Variants in CHRM3 observed in about 807,000 individuals in gnomAD.
The protein encoded by CHRM3 is muscarinic acetylcholine receptor M3.
In CHRM3, 11 loss-of-function variants were observed where a neutral mutation model predicts 41.8. That is an observed-to-expected ratio of 0.26 (90% confidence interval 0.17 to 0.44). CHRM3 has a LOEUF of 0.44. CHRM3 is among the 20% of genes least tolerant of loss of function. The pLI is 1.00. For missense variants in CHRM3, 571 were observed against 745.4 expected, an observed-to-expected ratio of 0.77 and a Z score of 2.72; for synonymous variants, 297 against 301.4, an observed-to-expected ratio of 0.99 and a Z score of 0.15.
intron 3 of CHRM3, among the ~76,000 whole-genome samples, chr1:239,623,483 GT>G (rs34689648): frequency 0.31 from 41,191 of 133,368 alleles, 6,773 homozygotes; most frequent in East Asian, 0.67. Flanking sequence ...TGGTGTATAA[GT>G]TTTTTTTTTT....
At chr1:239,717,484 C>T (rs1662501396) in intron 5 of CHRM3, among the ~76,000 whole-genome samples, 2 of 146,676 alleles carry the variant, frequency 1.4e-5, no homozygotes, top group Admixed American at 1.4e-4. Context: ...CACACACACA[C>T]ATGATTTTTA....
At chr1:239,430,696 C>T (rs778861712) in intron 1 of CHRM3, among the ~76,000 whole-genome samples, 3 of 151,640 alleles carry the variant, frequency 2.0e-5, no homozygotes, top group Admixed American at 6.6e-5. Context: ...TATACACACA[C>T]ACACATACAC....
chr1:239,488,073 A>G (rs1295541260), intron 1 of CHRM3, among the ~76,000 whole-genome samples: 2 of 152,154 alleles, frequency 1.3e-5, no homozygotes, highest in Non-Finnish European at 1.5e-5. Flanking sequence ...GTTAATGCCC[A>G]GTATACTAAG....
intron 5 of CHRM3, among the ~76,000 whole-genome samples, chr1:239,814,035 AAAAT>A (rs577005652): frequency 5.7e-5 from 8 of 140,870 alleles, no homozygotes; most frequent in African/African-American, 1.7e-4. Context: ...GCTTTAAGGA[AAAAT>A]AAATAAATAA....
chr1:239,484,425 C>T (rs1046812093), intron 1 of CHRM3, among the ~76,000 whole-genome samples: 2 of 152,152 alleles, frequency 1.3e-5, no homozygotes, highest in African/African-American at 4.8e-5. Context: ...AGGTACCTCC[C>T]ACCAGGCCCC....
At chr1:239,904,181 G>A (rs1679792829) in intron 6 of CHRM3, among the ~76,000 whole-genome samples, 1 of 152,210 alleles carries the variant, frequency 6.6e-6, no homozygotes, top group South Asian at 2.1e-4. Context: ...TAGCTGCTGT[G>A]TTCAGGAATC....
chr1:239,444,146 T>C (rs560565924), intron 1 of CHRM3, among the ~76,000 whole-genome samples: 2 of 152,254 alleles, frequency 1.3e-5, no homozygotes, highest in South Asian at 4.1e-4. Context: ...GCCTTAGTCA[T>C]GAGGAAAACG....
chr1:239,659,016 G>A (rs1672962352), intron 4 of CHRM3, among the ~76,000 whole-genome samples: 1 of 152,084 alleles, frequency 6.6e-6, no homozygotes, highest in African/African-American at 2.4e-5. Flanking sequence ...GGGATTATAG[G>A]TGCGAGCCAC....
At chr1:239,560,135 T>C (rs1440066814) in intron 3 of CHRM3, among the ~76,000 whole-genome samples, 1 of 152,220 alleles carries the variant, frequency 6.6e-6, no homozygotes, top group African/African-American at 2.4e-5. Context: ...TTGATAAGTA[T>C]TTTTAAATAC....
intron 3 of CHRM3, among the ~76,000 whole-genome samples, chr1:239,591,627 G>T (rs1434119593): frequency 2.0e-5 from 3 of 151,348 alleles, no homozygotes; most frequent in Non-Finnish European, 4.4e-5. Flanking sequence ...AAAGAAACAA[G>T]ATTACTCTGA....
chr1:239,726,437 G>T (rs1226386375), intron 5 of CHRM3, among the ~76,000 whole-genome samples: 2 of 151,678 alleles, frequency 1.3e-5, no homozygotes, highest in Non-Finnish European at 2.9e-5. Context: ...TTCTTACATT[G>T]TGACTAATCT....
intron 5 of CHRM3, among the ~76,000 whole-genome samples, chr1:239,778,949 C>T (rs1668307443): frequency 6.6e-6 from 1 of 152,080 alleles, no homozygotes; most frequent in African/African-American, 2.4e-5. Context: ...TTTCCATTTC[C>T]ATTATTCTTC....
intron 1 of CHRM3, among the ~76,000 whole-genome samples, chr1:239,485,360 C>T (rs762589514): frequency 1.3e-5 from 2 of 152,134 alleles, no homozygotes; most frequent in Admixed American, 6.5e-5. Flanking sequence ...TACAGTGGTG[C>T]AATCATGACT....
At chr1:239,855,718 G>T (rs1439621159) in intron 6 of CHRM3, among the ~76,000 whole-genome samples, 1 of 151,992 alleles carries the variant, frequency 6.6e-6, no homozygotes, top group Non-Finnish European at 1.5e-5. Context: ...TTGATTATAA[G>T]CATTTTCATA....
intron 2 of CHRM3, among the ~76,000 whole-genome samples, chr1:239,511,552 A>G (rs967423009): frequency 2.0e-5 from 3 of 152,192 alleles, no homozygotes; most frequent in Admixed American, 2.0e-4. Flanking sequence ...TGTCTCTTCC[A>G]TTTTTGTCTT....
intron 6 of CHRM3, among the ~76,000 whole-genome samples, chr1:239,888,471 TA>T (rs1042480342): frequency 6.6e-6 from 1 of 151,878 alleles, no homozygotes; most frequent in Admixed American, 6.6e-5. Context: ...TACACACCTG[TA>T]GTCCTAGCTA....
intron 3 of CHRM3, among the ~76,000 whole-genome samples, chr1:239,612,078 G>A (rs1322924667): frequency 6.6e-6 from 1 of 152,040 alleles, no homozygotes; most frequent in East Asian, 1.9e-4. Context: ...CCATGAATCT[G>A]GCAATCTCTT....
At chr1:239,627,867 G>A (rs564871558) in intron 3 of CHRM3, among the ~76,000 whole-genome samples, 9 of 151,296 alleles carry the variant, frequency 5.9e-5, no homozygotes, top group Non-Finnish European at 1.2e-4. Context: ...TCTGCCGAGA[G>A]ATCCGCTGTT....
intron 6 of CHRM3, among the ~76,000 whole-genome samples, chr1:239,874,301 A>ATATATATCTATATACACAG (rs1558199145): frequency 8.1e-6 from 1 of 123,836 alleles, no homozygotes; most frequent in South Asian, 2.4e-4. Flanking sequence ...ATATATATAT[A>ATATATATCTATATACACAG]TATATATATA....
Sources: gnomAD v4.1 joint callset for allele counts (sites outside exome capture counted in the v4.1 genomes callset) on GRCh38, gnomAD v4.1.1 for gene constraint, MANE v1.5 for transcripts, NCBI Gene and HGNC (gene_info 2026-07-23, HGNC 2026-07-21) for gene names.